DNMBP: variants seen among roughly 807,000 people sequenced by gnomAD.
The protein encoded by DNMBP is dynamin binding protein.
A neutral mutation model predicts 150.0 loss-of-function variants in DNMBP; 87 were observed. That is an observed-to-expected ratio of 0.58 (90% CI 0.49 to 0.69). The LOEUF is 0.69. Ranked by LOEUF, DNMBP falls within the 30% of genes least tolerant of loss-of-function variation. DNMBP has a pLI of 0.00. For synonymous variants in DNMBP, 711 were observed against 750.4 expected (o/e 0.95, Z 0.86); for missense variants, 1,774 against 1,949.0 (o/e 0.91, Z 1.69).
intron 5 of DNMBP, 31 bp downstream of exon 5, chr10:99,908,922 G>C (rs769994123): frequency 6.3e-7 from 1 of 1,592,896 alleles, no homozygotes; most frequent in Non-Finnish European, 8.6e-7. Flanking sequence ...CCATATTCAA[G>C]GTCAAACTAA....
chr10:99,997,927 C>CA (rs71009798), intron 1 of DNMBP, among the ~76,000 whole-genome samples: 584 of 22,304 alleles, frequency 0.026, 86 homozygotes, highest in African/African-American at 0.078. Context: ...GACTCTGTCT[C>CA]AAAAAAAAAA....
intron 1 of DNMBP, among the ~76,000 whole-genome samples, chr10:99,983,332 G>A (rs1000109305): frequency 7.2e-5 from 11 of 152,120 alleles, no homozygotes; most frequent in African/African-American, 2.4e-4. Flanking sequence ...AAGACAACAC[G>A]AAGGCTAAAT....
intron 4 of DNMBP, among the ~76,000 whole-genome samples, chr10:99,909,682 C>T (rs2039877097): frequency 6.6e-6 from 1 of 152,086 alleles, no homozygotes; most frequent in African/African-American, 2.4e-5. Context: ...AATGGTAGGT[C>T]AACACTAGCA....
In DNMBP at chr10:99,886,519, G is replaced by GTT. The variant is rs1323005199; in HGVS notation, c.3397_3398dup (p.Asn1133LysfsTer10). On this transcript the variant is annotated frameshift_variant, in exon 13 of 17. Transcript: ENST00000324109. LOFTEE classifies it high-confidence loss of function. ...TTAGCTTTTCTGCCCGTTCTGTACAGTTATAGAAGTCCAGGAGCTTGTCAA... is the reference window on the plus strand; with the variant it reads ...TTAGCTTTTCTGCCCGTTCTGTACAGTTTTATAGAAGTCCAGGAGCTTGTCAA... The GTT allele has an allele frequency of 1.2e-6, 2 of 1,614,176 alleles. No homozygotes were observed. The highest frequency in any genetic ancestry group is 1.7e-6 in the Non-Finnish European group (2 of 1,180,038).
intron 1 of DNMBP, among the ~76,000 whole-genome samples, chr10:99,991,045 C>T (rs1391236132): frequency 6.6e-6 from 1 of 151,818 alleles, no homozygotes; most frequent in Non-Finnish European, 1.5e-5. Context: ...TGACCATTAT[C>T]ACTATCAATT....
Position 99,969,165 on chromosome 10 carries a change from C to G in DNMBP, c.218G>C (p.Cys73Ser), listed in dbSNP as rs1256296806. The change falls in exon 3 of 17, where the codon TGC (cysteine) becomes TCC (serine). Residue 73 changes from cysteine to serine, a missense_variant. By Grantham distance (112) the Cys-to-Ser change is moderately radical (BLOSUM62 -1). Transcript: ENST00000324109. ...CTCTTGGGATGTGAATTCACAAATG[C>G]ACACAAACAGCCTCTCTCCCTCTTT... Reference protein sequence around the residue: ...SLKEGERLFVCICEFTSQELD... With the variant: ...SLKEGERLFVSICEFTSQELD... 2 of 1,614,082 alleles carry G rather than the reference C, an allele frequency of 1.2e-6. No homozygotes were observed. The highest frequency in any genetic ancestry group is 2.2e-5 in the South Asian group (2 of 91,078).
chr10:99,907,912 T>C (rs908477006), intron 6 of DNMBP, 83 bp downstream of exon 6: 3 of 941,648 alleles, frequency 3.2e-6, no homozygotes, highest in Non-Finnish European at 5.1e-6. Context: ...GAGGCATAGT[T>C]ACTCAGTATC....
At position 99,886,302 on chromosome 10, in the gene DNMBP, A is replaced by G. The variant is rs1232213910; in HGVS notation, c.3616T>C (p.Ser1206Pro). The G allele has an allele frequency of 6.2e-7, 1 of 1,610,216 alleles. No individual in the cohort carries two copies. The highest frequency in any genetic ancestry group is 1.3e-5 in the African/African-American group (1 of 74,826). Residue 1206 changes from serine (S) to proline (P), a missense_variant and splice_region_variant, in exon 13 of 17, where the codon TCG (serine) becomes CCG (proline). By Grantham distance (74) the Ser-to-Pro change is moderately conservative. This residue lies in a region of DNMBP where 1,430 missense variants were observed against 1,492.5 expected (regional missense o/e 0.96). Coordinates refer to ENST00000324109, the MANE Select transcript of DNMBP (RefSeq NM_015221.4). ...QALEQLKPLL[S>P]LLKVAGREGN... ...CACTGAACAGGTAAGAAACTCACCG[A>G]AAGCAGTGGCTTTAATTGCTCCAGA...
intron 13 of DNMBP, 98 bp downstream of exon 13, chr10:99,886,201 TA>T: frequency 2.0e-6 from 2 of 993,350 alleles, no homozygotes; most frequent in Non-Finnish European, 3.0e-6. Flanking sequence ...TCAGTTTATC[TA>T]ATTCAGATAA....
chr10:99,924,485 T>C (rs1170026030), intron 4 of DNMBP, among the ~76,000 whole-genome samples: 1 of 152,154 alleles, frequency 6.6e-6, no homozygotes. Context: ...ACAAAAAACC[T>C]GGTCTACCTT....
At chr10:99,973,860 A>G (rs1034893767) in intron 1 of DNMBP, among the ~76,000 whole-genome samples, 1 of 152,120 alleles carries the variant, frequency 6.6e-6, no homozygotes, top group South Asian at 2.1e-4. Flanking sequence ...GGGTGCCTGT[A>G]ATCCCAGCTA....
At position 99,957,125 on chromosome 10, in the gene DNMBP, G is replaced by A. The variant is rs757699328; in HGVS notation, c.349C>T (p.Pro117Ser). 5.0e-6 allele frequency: 8 copies of A among 1,613,532 alleles called. No homozygotes were observed. Among genetic ancestry groups the A allele is most frequent in the South Asian group, 1.1e-5 (1 of 91,082 alleles). The change falls in exon 4 of 17, where the codon CCA becomes TCA. Residue 117 changes from proline to serine, a missense_variant. Around this residue, in one of 2 missense-constraint regions of DNMBP, gnomAD observed 344 missense variants for 456.6 expected, o/e 0.75. Transcript: ENST00000324109. ...CAGAGCTCGCGGACACATGAAGATG[G>A]GAAGAAGCCCCGTGCGCCCCAGCAG... is the stretch of plus-strand genomic sequence containing the variant. The part of the protein sequence containing the change: ...RSCWGARGFF[P>S]SSCVRELCLS...
intron 3 of DNMBP, among the ~76,000 whole-genome samples, chr10:99,966,222 T>C (rs964214326): frequency 6.6e-6 from 1 of 151,812 alleles, no homozygotes; most frequent in Non-Finnish European, 1.5e-5. Flanking sequence ...GACTGGTCAG[T>C]GTGTTTACTG....
intron 4 of DNMBP, among the ~76,000 whole-genome samples, chr10:99,915,836 A>G (rs531516314): frequency 6.6e-6 from 1 of 152,344 alleles, no homozygotes; most frequent in Admixed American, 6.5e-5. Flanking sequence ...ACTGATGAGG[A>G]AGGAAGAAAA....
Position 99,956,340 on chromosome 10 carries a change from C to G in DNMBP, c.1134G>C (p.Glu378Asp). ...TTCTCGGGGGCCCTCCTGCGGTGTC[C>G]TCGTCCTGATAAGAGTTTCTGTCTG... ...YDTDRNSYQD[E>D]DTAGGPPRSP... Residue 378 changes from glutamate (E) to aspartate (D), a missense_variant, in exon 4 of 17, where the codon GAG (glutamate) becomes GAC (aspartate). By Grantham distance (45) the Glu-to-Asp change is conservative. Around this residue, in one of 2 missense-constraint regions of DNMBP, gnomAD observed 1,430 missense variants for 1,492.5 expected, o/e 0.96. Coordinates refer to ENST00000324109, the MANE Select transcript of DNMBP (RefSeq NM_015221.4). 6.2e-7 allele frequency: 1 copy of G among 1,613,872 alleles called. No homozygotes were observed. The highest frequency in any genetic ancestry group is 2.2e-5 in the East Asian group (1 of 44,870).
chr10:100,004,059 C>T (rs2041043358), intron 1 of DNMBP, among the ~76,000 whole-genome samples: 1 of 147,622 alleles, frequency 6.8e-6, no homozygotes, highest in South Asian at 2.1e-4. Context: ...AAGGGCGTCC[C>T]TATCTCTAAA....
At chr10:99,936,502 A>G (rs2040233058) in intron 4 of DNMBP, among the ~76,000 whole-genome samples, 1 of 149,028 alleles carries the variant, frequency 6.7e-6, no homozygotes, top group Non-Finnish European at 1.5e-5. Flanking sequence ...CCTTTACTGA[A>G]GATTTCTTTT....
At chr10:99,915,620 T>A (rs574529875) in intron 4 of DNMBP, among the ~76,000 whole-genome samples, 9 of 152,080 alleles carry the variant, frequency 5.9e-5, no homozygotes, top group Non-Finnish European at 1.0e-4. Flanking sequence ...AAGGCTGAAG[T>A]GGGAGGATCA....
intron 6 of DNMBP, among the ~76,000 whole-genome samples, chr10:99,902,303 C>CTTTTTTTTTTTTT (rs34120125): frequency 1.2e-5 from 1 of 82,790 alleles, no homozygotes; most frequent in African/African-American, 4.2e-5. Context: ...AGCCTCCCTT[C>CTTTTTTTTTTTTT]TTTTTTTTTT....
Sources: allele counts gnomAD v4.1 joint callset (sites outside exome capture counted in the v4.1 genomes callset), GRCh38; gene constraint gnomAD v4.1.1; regional missense constraint gnomAD v4.1.1; transcripts MANE v1.5; gene names NCBI Gene and HGNC (gene_info 2026-07-23, HGNC 2026-07-21).